ARHGAP21: variants seen among roughly 807,000 people sequenced by gnomAD.
ARHGAP21 encodes rho GTPase-activating protein 21.
A neutral mutation model predicts 164.6 loss-of-function variants in ARHGAP21; 38 were observed. The ratio of observed to expected loss-of-function variants is 0.23; its 90% CI spans 0.18 to 0.30. The LOEUF (loss-of-function observed/expected upper bound fraction) is 0.30, where lower values mean the gene tolerates loss of function less well. ARHGAP21 is among the 10% of genes least tolerant of loss of function. The pLI is 1.00. For missense variants in ARHGAP21, 1,822 were observed against 2,370.7 expected, an observed-to-expected ratio of 0.77 and a Z score of 4.81; for synonymous variants, 766 against 857.9, an observed-to-expected ratio of 0.89 and a Z score of 1.87.
intron 24 of ARHGAP21, chr10:24,589,657 A>G (rs1477991607): frequency 4.6e-6 from 1 of 216,718 alleles, no homozygotes; most frequent in Non-Finnish European, 8.9e-6. Flanking sequence ...AATGTACCAC[A>G]TCCTGTATCT....
At chr10:24,713,272 T>C (rs559323105) in intron 2 of ARHGAP21, among the ~76,000 whole-genome samples, 1 of 152,332 alleles carries the variant, frequency 6.6e-6, no homozygotes, top group South Asian at 2.1e-4. Flanking sequence ...TACATAGCAC[T>C]ACTCCTGACT....
At chr10:24,696,015 T>G (rs2132065161) in intron 2 of ARHGAP21, among the ~76,000 whole-genome samples, 1 of 152,292 alleles carries the variant, frequency 6.6e-6, no homozygotes, top group South Asian at 2.1e-4. Flanking sequence ...TCACTAAATT[T>G]TAAGGGTAAT....
chr10:24,714,874 C>T (rs1391173585), intron 2 of ARHGAP21, among the ~76,000 whole-genome samples: 3 of 151,654 alleles, frequency 2.0e-5, no homozygotes, highest in Non-Finnish European at 2.9e-5. Context: ...ACTAAAAATA[C>T]AAAAAATTAG....
intron 25 of ARHGAP21, among the ~76,000 whole-genome samples, chr10:24,588,143 G>C (rs1564950824): frequency 6.6e-6 from 1 of 152,082 alleles, no homozygotes; most frequent in Non-Finnish European, 1.5e-5. Context: ...AATATTACTG[G>C]GACAATCTGT....
intron 11 of ARHGAP21, among the ~76,000 whole-genome samples, chr10:24,606,362 T>C (rs1417810968): frequency 1.3e-5 from 2 of 151,982 alleles, no homozygotes; most frequent in African/African-American, 4.8e-5. Context: ...CCATAGAAAA[T>C]AGTCAAAAAA....
chr10:24,698,943 C>A lies in ARHGAP21; in HGVS notation c.63+22894G>T, dbSNP rs182344992. On this transcript the variant is annotated intron_variant, in intron 2 of 25. Transcript: ENST00000396432. Reference sequence around the variant, plus strand: ...TCACAATATATTTGTACATATATATCAGCAATGCTAAAGGTTTCAGTAACA... The same window carrying A: ...TCACAATATATTTGTACATATATATAAGCAATGCTAAAGGTTTCAGTAACA... 2.2e-3 allele frequency among the ~76,000 whole-genome samples: 330 copies of A among 152,274 alleles called. 1 individual carries two copies. The highest frequency in any genetic ancestry group is 7.7e-3 in the African/African-American group (320 of 41,546).
chr10:24,616,908 G>T (rs960409278), intron 9 of ARHGAP21, among the ~76,000 whole-genome samples: 2 of 152,138 alleles, frequency 1.3e-5, no homozygotes, highest in Admixed American at 1.3e-4. Context: ...CTGTTAATGA[G>T]TAATATTCCA....
chr10:24,650,041 GAAGAAA>G (rs1398023748), intron 4 of ARHGAP21, among the ~76,000 whole-genome samples: 2 of 152,002 alleles, frequency 1.3e-5, no homozygotes, highest in African/African-American at 4.8e-5. Flanking sequence ...CAAAAAAGAA[GAAGAAA>G]AAGAAAAACT....
At position 24,680,645 on chromosome 10, in the gene ARHGAP21, T is replaced by C. The variant is rs1593267968; in HGVS notation, c.64-10248A>G. The stretch of plus-strand genomic sequence containing the variant: ...TAACACTGTAGCTCCTCTAGTCTCC[T>C]AGAGGGTTACATTTCTATGGGCCTT... On this transcript the variant is annotated intron_variant, in intron 2 of 25. Transcript: ENST00000396432. Among the ~76,000 whole-genome samples the C allele has an allele frequency of 2.0e-5, 3 of 152,260 alleles. No individual in the cohort carries two copies. In the South Asian group the frequency reaches 6.3e-4, roughly 32 times the overall value.
intron 25 of ARHGAP21, among the ~76,000 whole-genome samples, chr10:24,586,513 T>TATTCTGATATAGGTTATTAAACATCAC (rs1478424634): frequency 2.0e-5 from 3 of 152,196 alleles, no homozygotes; most frequent in Non-Finnish European, 4.4e-5. Flanking sequence ...TCAAACATCA[T>TATTCTGATATAGGTTATTAAACATCAC]ATTCTGATAT....
intron 9 of ARHGAP21, among the ~76,000 whole-genome samples, chr10:24,615,949 A>AT (rs893813961): frequency 3.3e-4 from 50 of 150,254 alleles, no homozygotes; most frequent in African/African-American, 3.2e-4. Context: ...ATATTTTTGT[A>AT]TTTTTTTTTG....
At chr10:24,590,413 C>T in intron 24 of ARHGAP21, 1 of 1,535,428 alleles carries the variant, frequency 6.5e-7, no homozygotes, top group Non-Finnish European at 8.7e-7. Context: ...ACAGTTCCAG[C>T]TGTCCATCAG....
intron 2 of ARHGAP21, among the ~76,000 whole-genome samples, chr10:24,715,424 T>C (rs190236217): frequency 1.1e-3 from 168 of 152,300 alleles, no homozygotes; most frequent in African/African-American, 3.2e-3. Flanking sequence ...ACATCATCCA[T>C]ACAGATTATC....
At chr10:24,625,299 G>GAAAAAAAAAAAAA (rs34935501) in intron 7 of ARHGAP21, among the ~76,000 whole-genome samples, 1 of 53,798 alleles carries the variant, frequency 1.9e-5, no homozygotes, top group African/African-American at 7.5e-5. Context: ...ATGAAACAGA[G>GAAAAAAAAAAAAA]AAAAAAAAAA....
intron 4 of ARHGAP21, among the ~76,000 whole-genome samples, chr10:24,642,558 A>G (rs184352576): frequency 6.6e-6 from 1 of 151,814 alleles, no homozygotes; most frequent in African/African-American, 2.4e-5. Context: ...ATCCTTCAAC[A>G]GTTCTTCACA....
At chr10:24,630,752 C>T (rs567187103) in intron 6 of ARHGAP21, among the ~76,000 whole-genome samples, 1 of 152,252 alleles carries the variant, frequency 6.6e-6, no homozygotes, top group Non-Finnish European at 1.5e-5. Context: ...TTCAGCCTCC[C>T]AAAGTGCTGG....
At chr10:24,617,313 GATT>G (rs1346834439) in intron 9 of ARHGAP21, among the ~76,000 whole-genome samples, 1 of 151,964 alleles carries the variant, frequency 6.6e-6, no homozygotes, top group Non-Finnish European at 1.5e-5. Context: ...AATGTAATCT[GATT>G]ATATTGTTGT....
At position 24,676,129 on chromosome 10, in the gene ARHGAP21, TAGAG is replaced by T. The variant is rs555424152; in HGVS notation, c.64-5736_64-5733del. On this transcript the variant is annotated intron_variant, in intron 2 of 25. Coordinates refer to ENST00000396432, the MANE Select transcript of ARHGAP21 (RefSeq NM_020824.4). Reference sequence around the variant, plus strand: ...CCACGGCACTCCAGCCTGGGCAACATAGAGAGAGACTCCGTGTCAGGGGGAAAAA... The same window carrying T: ...CCACGGCACTCCAGCCTGGGCAACATAGAGACTCCGTGTCAGGGGGAAAAA... Among the ~76,000 whole-genome samples the T allele has an allele frequency of 2.8e-3, 420 of 152,110 alleles. 2 individuals are homozygous for T. The highest frequency in any genetic ancestry group is 9.4e-3 in the African/African-American group (389 of 41,504).
chr10:24,625,941 C>T (rs1348793625), intron 7 of ARHGAP21, among the ~76,000 whole-genome samples: 1 of 152,204 alleles, frequency 6.6e-6, no homozygotes, highest in Non-Finnish European at 1.5e-5. Flanking sequence ...TTCATCTCCA[C>T]TCAACAGCAG....
Sources: gnomAD v4.1 joint callset for allele counts (sites outside exome capture counted in the v4.1 genomes callset) on GRCh38, gnomAD v4.1.1 for gene constraint, MANE v1.5 for transcripts, NCBI Gene and HGNC (gene_info 2026-07-23, HGNC 2026-07-21) for gene names.